The following CYP2F1 variants were observed in gnomAD, a reference collection of about 807,000 sequenced individuals.
The protein encoded by CYP2F1 is cytochrome P450 family 2 subfamily F member 1.
A neutral mutation model predicts 40.4 loss-of-function variants in CYP2F1; 33 were observed. The ratio of observed to expected loss-of-function variants is 0.82; its 90% confidence interval spans 0.62 to 1.09. CYP2F1 has a LOEUF of 1.09. Ranked by LOEUF, CYP2F1 falls within the 50% of genes least tolerant of loss-of-function variation. The pLI, the probability that CYP2F1 is intolerant of heterozygous loss-of-function variation, is 0.00. For missense variants in CYP2F1, 566 were observed against 655.7 expected (o/e 0.86, Z 1.49); for synonymous variants, 235 against 277.2 (o/e 0.85, Z 1.51).
intron 1 of CYP2F1, among the ~76,000 whole-genome samples, chr19:41,114,788 CTTTTTTT>C (rs36044091): frequency 3.0e-5 from 3 of 100,010 alleles, no homozygotes; most frequent in African/African-American, 4.8e-5. Flanking sequence ...CTCTCTCTCT[CTTTTTTT>C]TTTTTTTTTT....
intron 3 of CYP2F1, among the ~76,000 whole-genome samples, chr19:41,117,648 TCAAATA>T (rs1286782424): frequency 6.6e-6 from 1 of 152,038 alleles, no homozygotes; most frequent in Non-Finnish European, 1.5e-5. Context: ...ATCACCAGCT[TCAAATA>T]CAATTTATCA....
chr19:41,122,134 G>C lies in CYP2F1; in HGVS notation c.822+1G>C. On this transcript the variant is annotated splice_donor_variant, in intron 6 of 9. Coordinates refer to ENST00000331105, the MANE Select transcript of CYP2F1 (RefSeq NM_000774.5). LOFTEE classifies it high-confidence loss of function. The stretch of plus-strand genomic sequence containing the variant: ...GTGCTTCCTCACCAAGATGGCAGAG[G>C]TAATCCCTACCTGGAAATCCCACCT... 6.5e-7 allele frequency: 1 copy of C among 1,531,674 alleles called. No homozygotes were observed. Among genetic ancestry groups the C allele is most frequent in the Non-Finnish European group, 9.0e-7 (1 of 1,116,328 alleles). 94.9% of individuals were successfully genotyped at this position (1,531,674 alleles called of 1,614,324 possible).
chr19:41,115,239 GCT>G (rs1188048583), intron 1 of CYP2F1, among the ~76,000 whole-genome samples: 3 of 151,604 alleles, frequency 2.0e-5, no homozygotes, highest in Non-Finnish European at 2.9e-5. Flanking sequence ...TCTGTGTCTA[GCT>G]CTGTCTCTCC....
At chr19:41,124,253 C>CTCCT (rs796530025) in intron 7 of CYP2F1, among the ~76,000 whole-genome samples, 3 of 93,144 alleles carry the variant, frequency 3.2e-5, no homozygotes, top group African/African-American at 1.5e-4. Flanking sequence ...CTTCCCCCCC[C>CTCCT]CCTTTTTTTT....
intron 3 of CYP2F1, among the ~76,000 whole-genome samples, chr19:41,117,241 C>T (rs147409125): frequency 0.016 from 2,453 of 152,234 alleles, 69 homozygotes; most frequent in African/African-American, 0.056. Flanking sequence ...TGCGATTCTC[C>T]TGCCTCAGCC....
In CYP2F1 at chr19:41,124,757, G is replaced by A. The variant is rs552985767; in HGVS notation, c.1003G>A (p.Ala335Thr). ...GGAGATCGACCTCGTGGTGGGACGCGCGCGGCTGCCGGCGCTGAAGGACCG... is the reference window on the plus strand; with the variant it reads ...GGAGATCGACCTCGTGGTGGGACGCACGCGGCTGCCGGCGCTGAAGGACCG... Reference protein sequence around the residue: ...QEEIDLVVGRARLPALKDRAA... With the variant: ...QEEIDLVVGRTRLPALKDRAA... Residue 335 changes from alanine to threonine, a missense_variant, in exon 8 of 10, where the codon GCG (alanine) becomes ACG (threonine). By Grantham distance (58) the Ala-to-Thr change is moderately conservative. Around this residue, in one of 5 missense-constraint regions of CYP2F1, gnomAD observed 128 missense variants for 121.0 expected, o/e 1.06. Coordinates refer to ENST00000331105, the MANE Select transcript of CYP2F1 (RefSeq NM_000774.5). 1.2e-6 allele frequency: 2 copies of A among 1,606,388 alleles called. No individual in the cohort carries two copies. Among genetic ancestry groups the A allele is most frequent in the Admixed American group, 1.7e-5 (1 of 59,884 alleles).
At chr19:41,121,410 T>C (rs1332084383) in intron 4 of CYP2F1, 48 bp from the exon 5 acceptor site, 9 of 1,565,720 alleles carry the variant, frequency 5.7e-6, no homozygotes, top group African/African-American at 1.5e-5. Flanking sequence ...TGAGGTCTGG[T>C]GTGCTGCACA....
chr19:41,116,061 T>C, intron 1 of CYP2F1, 117 bp from the exon 2 acceptor site: 5 of 961,142 alleles, frequency 5.2e-6, no homozygotes, highest in Non-Finnish European at 7.6e-6. Flanking sequence ...GGCCTCTCCC[T>C]GTCTCCTTCT....
At chr19:41,124,190 C>A (rs1053144762) in intron 7 of CYP2F1, among the ~76,000 whole-genome samples, 27 of 151,336 alleles carry the variant, frequency 1.8e-4, no homozygotes, top group African/African-American at 6.1e-4. Flanking sequence ...AAGCTTTCGC[C>A]CTCACTGACC....
At chr19:41,120,637 A>T (rs1465936814) in intron 4 of CYP2F1, 141 bp downstream of exon 4, 1 of 922,932 alleles carries the variant, frequency 1.1e-6, no homozygotes, top group South Asian at 1.4e-5. Context: ...GTGCTCCACC[A>T]CACCCAGCTT....
intron 8 of CYP2F1, chr19:41,125,151 TC>T (rs1703068628): frequency 1.8e-6 from 1 of 558,242 alleles, no homozygotes; most frequent in Admixed American, 3.5e-5. Context: ...CTAGAACCCC[TC>T]CCTGGAAGCC....
Position 41,127,962 on chromosome 19 carries a change from C to T in CYP2F1, c.1356C>T (p.Ala452=), listed in dbSNP as rs2032610735. 1 of 1,613,416 alleles carries T rather than the reference C, an allele frequency of 6.2e-7. No homozygotes were observed. Among genetic ancestry groups the T allele is most frequent in the Admixed American group, 1.7e-5 (1 of 59,982 alleles). ...ARMELFLYLT[A]ILQSFSLQPL... is the part of the protein sequence containing the mutation. ...TGGAGCTCTTTCTGTACCTCACCGC[C>T]ATCCTGCAGAGCTTTTCGCTGCAGC... Residue 452 remains alanine, a synonymous_variant, in exon 10 of 10, where the codon GCC becomes GCT. Coordinates refer to ENST00000331105, the MANE Select transcript of CYP2F1 (RefSeq NM_000774.5).
intron 9 of CYP2F1, among the ~76,000 whole-genome samples, chr19:41,126,990 G>A (rs1410988243): frequency 6.6e-6 from 1 of 152,068 alleles, no homozygotes; most frequent in Non-Finnish European, 1.5e-5. Flanking sequence ...ATAATAATAG[G>A]TAACTTACCA....
Position 41,116,334 on chromosome 19 carries a change from A to G in CYP2F1, c.146A>G (p.Gln49Arg). The change falls in exon 2 of 10, where the codon CAA (glutamine) becomes CGA (arginine). Residue 49 changes from glutamine (Q) to arginine (R), a missense_variant. Around this residue, in one of 5 missense-constraint regions of CYP2F1, gnomAD observed 264 missense variants for 275.7 expected, o/e 0.96. Coordinates refer to ENST00000331105, the MANE Select transcript of CYP2F1 (RefSeq NM_000774.5). ...ILGNLLLLCS[Q>R]DMLTSLTKLS... ...GGAAACCTGCTGCTGCTTTGCTCCCAAGACATGCTGACTTCTCTCACTAAG... is the reference window on the plus strand; with the variant it reads ...GGAAACCTGCTGCTGCTTTGCTCCCGAGACATGCTGACTTCTCTCACTAAG... 1 of 1,614,060 alleles carries G rather than the reference A, an allele frequency of 6.2e-7. No individual in the cohort carries two copies. The highest frequency in any genetic ancestry group is 8.5e-7 in the Non-Finnish European group (1 of 1,179,990).
intron 7 of CYP2F1, among the ~76,000 whole-genome samples, 167 bp from the exon 8 acceptor site, chr19:41,124,552 C>A (rs1427641739): frequency 1.3e-5 from 2 of 152,160 alleles, no homozygotes; most frequent in East Asian, 1.9e-4. Context: ...CGTGAGCCAC[C>A]GCGCCCGGCC....
intron 6 of CYP2F1, 58 bp from the exon 7 acceptor site, chr19:41,122,764 G>T (rs999173740): frequency 1.3e-6 from 2 of 1,507,892 alleles, no homozygotes; most frequent in Non-Finnish European, 8.9e-7. Context: ...AGTTGTACTG[G>T]TCTAGAGTGA....
intron 1 of CYP2F1, among the ~76,000 whole-genome samples, chr19:41,114,921 C>T (rs2031702933): frequency 6.6e-6 from 1 of 151,094 alleles, no homozygotes; most frequent in South Asian, 2.1e-4. Context: ...AGGTGCCTAA[C>T]ACCACGCCTG....
At chr19:41,119,723 C>CTCTCTCTCTCTCTCTATATA (rs1478574507) in intron 3 of CYP2F1, among the ~76,000 whole-genome samples, 3 of 35,812 alleles carry the variant, frequency 8.4e-5, no homozygotes, top group Non-Finnish European at 1.6e-4. Flanking sequence ...CTCTCTCTCT[C>CTCTCTCTCTCTCTCTATATA]TATATATATA....
intron 9 of CYP2F1, among the ~76,000 whole-genome samples, chr19:41,127,275 G>A (rs1245311728): frequency 6.6e-6 from 1 of 152,176 alleles, no homozygotes; most frequent in Non-Finnish European, 1.5e-5. Flanking sequence ...GCTACTTACA[G>A]CCTCACTGCT....
Sources: allele counts gnomAD v4.1 joint callset (sites outside exome capture counted in the v4.1 genomes callset), GRCh38; gene constraint gnomAD v4.1.1; regional missense constraint gnomAD v4.1.1; transcripts MANE v1.5; gene names NCBI Gene and HGNC (gene_info 2026-07-23, HGNC 2026-07-21).